Variants in UHRF2 observed in about 807,000 individuals in gnomAD.
UHRF2 encodes the protein ubiquitin like with PHD and ring finger domains 2, also known as E3 ubiquitin-protein ligase UHRF2.
A neutral mutation model predicts 96.8 loss-of-function variants in UHRF2; 23 were observed. The ratio of observed to expected loss-of-function variants is 0.24; its 90% CI spans 0.17 to 0.34. The LOEUF is 0.34. Ranked by LOEUF, UHRF2 falls within the 10% of genes least tolerant of loss-of-function variation. UHRF2 has a pLI of 1.00. For missense variants in UHRF2, 685 were observed against 981.5 expected (o/e 0.70, Z 4.04); for synonymous variants, 385 against 332.6 (o/e 1.16, Z -1.72).
intron 1 of UHRF2, among the ~76,000 whole-genome samples, chr9:6,418,854 T>G (rs1819760075): frequency 6.6e-6 from 1 of 152,188 alleles, no homozygotes; most frequent in African/African-American, 2.4e-5. Context: ...GTCTCACAGT[T>G]CTAGAGGTCT....
intron 3 of UHRF2, among the ~76,000 whole-genome samples, chr9:6,445,543 G>A (rs1821436800): frequency 6.6e-6 from 1 of 152,088 alleles, no homozygotes; most frequent in Non-Finnish European, 1.5e-5. Context: ...TTACAGAGGT[G>A]AGCCACCACG....
chr9:6,424,871 C>G (rs780246502), intron 2 of UHRF2, among the ~76,000 whole-genome samples: 3 of 149,560 alleles, frequency 2.0e-5, no homozygotes, highest in Non-Finnish European at 4.4e-5. Context: ...ATTTGTTTTC[C>G]TTATTTGTCT....
intron 3 of UHRF2, among the ~76,000 whole-genome samples, chr9:6,447,402 T>G (rs1244787624): frequency 6.6e-6 from 1 of 152,142 alleles, no homozygotes; most frequent in Non-Finnish European, 1.5e-5. Context: ...CAGTGAAAAA[T>G]TGCTGTTTTA....
intron 10 of UHRF2, chr9:6,495,013 C>T (rs878979807): frequency 2.0e-5 from 3 of 152,170 alleles, no homozygotes; most frequent in Admixed American, 1.3e-4. Flanking sequence ...GAAAGCAGTC[C>T]TTCAAGAAGA....
chr9:6,498,575 CT>C, intron 12 of UHRF2: 1 of 155,148 alleles, frequency 6.4e-6, no homozygotes, highest in Non-Finnish European at 1.4e-5. Flanking sequence ...CCCTTTCTCA[CT>C]TTTCCTCACC....
chr9:6,437,007 A>G (rs372018153), intron 3 of UHRF2, among the ~76,000 whole-genome samples: 1 of 152,378 alleles, frequency 6.6e-6, no homozygotes, highest in African/African-American at 2.4e-5. Flanking sequence ...TATGAGATGT[A>G]TAACATAAAT....
chr9:6,468,353 A>C (rs1005840342), intron 4 of UHRF2: 7 of 435,794 alleles, frequency 1.6e-5, no homozygotes, highest in Non-Finnish European at 3.3e-5. Context: ...GTTTGCAGGT[A>C]GGGTGGGACA....
At position 6,486,949 on chromosome 9, in the gene UHRF2, CATT is replaced by C. The variant is rs368133913; in HGVS notation, c.1497+26_1497+28del. On this transcript the variant is annotated intron_variant, in intron 9 of 15. Coordinates refer to ENST00000276893, the MANE Select transcript of UHRF2 (RefSeq NM_152896.3). ...TCGTAAGTCATTATACAACCTTACTCATTAGTACCTGCCTTGACCATTTGTAAA... is the reference window on the plus strand; with the variant it reads ...TCGTAAGTCATTATACAACCTTACTCAGTACCTGCCTTGACCATTTGTAAA... 5.1e-4 allele frequency: 821 copies of C among 1,604,172 alleles called. 2 individuals are homozygous for C. In the East Asian group the frequency reaches 5.8e-3, roughly 11 times the overall value.
intron 3 of UHRF2, among the ~76,000 whole-genome samples, chr9:6,458,022 A>C (rs1360927960): frequency 2.0e-5 from 3 of 152,168 alleles, no homozygotes; most frequent in Non-Finnish European, 2.9e-5. Context: ...TTGGCCTCAT[A>C]AAATGAGTTA....
intron 1 of UHRF2, among the ~76,000 whole-genome samples, chr9:6,418,973 ATGGCTGCCT>A (rs1454910765): frequency 6.6e-6 from 1 of 152,136 alleles, no homozygotes; most frequent in Non-Finnish European, 1.5e-5. Context: ...CTCCAGTCAC[ATGGCTGCCT>A]TTTTCCTGTG....
chr9:6,436,298 C>G (rs1162564160), intron 3 of UHRF2, among the ~76,000 whole-genome samples: 1 of 152,126 alleles, frequency 6.6e-6, no homozygotes, highest in African/African-American at 2.4e-5. Context: ...GCGGCCAACA[C>G]TGCTTACTTG....
chr9:6,436,194 C>G (rs1027258780), intron 3 of UHRF2, among the ~76,000 whole-genome samples: 2 of 152,174 alleles, frequency 1.3e-5, no homozygotes, highest in African/African-American at 4.8e-5. Flanking sequence ...TATAACAACA[C>G]TTCAGTATTC....
chr9:6,497,064 T>C, intron 10 of UHRF2, 134 bp from the exon 11 acceptor site: 3 of 830,802 alleles, frequency 3.6e-6, no homozygotes, highest in Non-Finnish European at 5.4e-6. Flanking sequence ...TCCTATTATC[T>C]GGAATAATAT....
intron 3 of UHRF2, among the ~76,000 whole-genome samples, chr9:6,440,654 G>T (rs1821109364): frequency 1.3e-5 from 2 of 152,248 alleles, no homozygotes; most frequent in South Asian, 4.2e-4. Context: ...ACAACTTAGG[G>T]TATCCTGCCA....
intron 9 of UHRF2, among the ~76,000 whole-genome samples, chr9:6,488,914 G>C (rs1284865562): frequency 6.6e-6 from 1 of 152,038 alleles, no homozygotes; most frequent in Non-Finnish European, 1.5e-5. Flanking sequence ...CCAGGTTCAA[G>C]TGATTCTCCT....
chr9:6,492,430 A>G (rs751374827), intron 9 of UHRF2: 2 of 913,430 alleles, frequency 2.2e-6, no homozygotes, highest in Non-Finnish European at 2.7e-6. Flanking sequence ...TCCTTCTCAT[A>G]GAATACATAC....
chr9:6,464,159 T>G (rs1243053611), intron 4 of UHRF2, among the ~76,000 whole-genome samples: 1 of 152,204 alleles, frequency 6.6e-6, no homozygotes, highest in Non-Finnish European at 1.5e-5. Flanking sequence ...GTATTTCATT[T>G]TGGCTTTGAT....
intron 3 of UHRF2, among the ~76,000 whole-genome samples, chr9:6,455,031 G>A (rs1236734388): frequency 1.3e-5 from 2 of 152,154 alleles, no homozygotes; most frequent in Non-Finnish European, 1.5e-5. Context: ...GTAGTAGCCT[G>A]GCCTACCTTT....
chr9:6,489,733 T>G (rs997790567), intron 9 of UHRF2, among the ~76,000 whole-genome samples: 17 of 149,888 alleles, frequency 1.1e-4, no homozygotes, highest in East Asian at 3.8e-4. Context: ...TTTTTGTTTT[T>G]TTTTTTTTTT....
Sources: gnomAD v4.1 joint callset for allele counts (sites outside exome capture counted in the v4.1 genomes callset) on GRCh38, gnomAD v4.1.1 for gene constraint, MANE v1.5 for transcripts, NCBI Gene and HGNC (gene_info 2026-07-23, HGNC 2026-07-21) for gene names.